Variants in DYM observed in about 807,000 individuals in gnomAD.
DYM encodes the protein dyggve-Melchior-Clausen syndrome protein.
DYM carries 78 observed loss-of-function variants against 93.1 expected under a neutral mutation model. The ratio of observed to expected loss-of-function variants is 0.84; its 90% CI spans 0.70 to 1.01. The LOEUF (loss-of-function observed/expected upper bound fraction) is 1.01, where lower values mean the gene tolerates loss of function less well. Among genes scored for constraint, DYM ranks in the 50% least tolerant of loss-of-function variants. The probability of loss-of-function intolerance (pLI) is 0.00; values close to 1 mark genes in which losing one functional copy is unlikely to be tolerated. For synonymous variants in DYM, 321 were observed against 319.7 expected, an observed-to-expected ratio of 1.00 and a Z score of -0.04; for missense variants, 789 against 845.0, an observed-to-expected ratio of 0.93 and a Z score of 0.82.
At chr18:49,110,491 T>G (rs58235804) in intron 16 of DYM, among the ~76,000 whole-genome samples, 4 of 149,558 alleles carry the variant, frequency 2.7e-5, no homozygotes, top group East Asian at 2.0e-4. Context: ...TAAGATTTTG[T>G]TTTTTTTTCA....
intron 8 of DYM, among the ~76,000 whole-genome samples, chr18:49,293,286 T>A (rs1362456213): frequency 6.6e-6 from 1 of 152,200 alleles, no homozygotes; most frequent in Admixed American, 6.6e-5. Context: ...AGTAAACATA[T>A]GTGTGCATGT....
In DYM at chr18:49,286,472, G is replaced by A. The variant is rs752305016; in HGVS notation, c.908C>T (p.Pro303Leu). 8.7e-6 allele frequency: 14 copies of A among 1,614,098 alleles called. No individual in the cohort carries two copies. Among genetic ancestry groups the A allele is most frequent in the Non-Finnish European group, 1.2e-5 (14 of 1,179,994 alleles). ...GAAGGACATAATGGCTTGTCTGTAG[G>A]GGTTTGGCGCATCTGAGGCATCTGT... ...NLTDASDAPN[P>L]YRQAIMSFKN... Residue 303 changes from proline (P) to leucine (L), a missense_variant, in exon 9 of 18, where the codon CCC becomes CTC. Transcript: ENST00000675505.
At position 49,353,163 on chromosome 18, in the gene DYM, AG is replaced by A. The variant is rs796253383; in HGVS notation, c.494+9997del. 3.0e-4 allele frequency among the ~76,000 whole-genome samples: 46 copies of A among 152,276 alleles called. 1 individual carries two copies. Among genetic ancestry groups the A allele is most frequent in the African/African-American group, 1.1e-3 (45 of 41,582 alleles). On this transcript the variant is annotated intron_variant, in intron 6 of 17. Transcript: ENST00000675505. The stretch of plus-strand genomic sequence containing the variant: ...CATTTCCAAGTCACTTCTCCCATTT[AG>A]ATTATCTATCCCCTAACTTAGCTCC...
chr18:49,129,180 G>A lies in DYM; in HGVS notation c.1729-10254C>T, dbSNP rs983680373. On this transcript the variant is annotated intron_variant, in intron 15 of 17. Transcript: ENST00000675505. ...GTCCATGGAGAGAAGCTCCAGATTG[G>A]GTTCTAGTCCCAGTTTTGCCATGGA... is the stretch of plus-strand genomic sequence containing the variant. Among the ~76,000 whole-genome samples the A allele has an allele frequency of 4.6e-5, 7 of 152,034 alleles. No individual in the cohort carries two copies. In the East Asian group the frequency reaches 1.4e-3, roughly 29 times the overall value.
At chr18:49,424,969 C>A (rs1338390004) in intron 2 of DYM, among the ~76,000 whole-genome samples, 2 of 152,082 alleles carry the variant, frequency 1.3e-5, no homozygotes, top group Non-Finnish European at 1.5e-5. Context: ...CCATACTGCC[C>A]AAGGTAATTT....
chr18:49,286,765 G>A, intron 8 of DYM, 149 bp from the exon 9 acceptor site: 1 of 753,570 alleles, frequency 1.3e-6, no homozygotes, highest in Non-Finnish European at 2.2e-6. Context: ...CACAAGGCCA[G>A]AAAATCCTTG....
At chr18:49,193,768 A>G (rs977611214) in intron 14 of DYM, among the ~76,000 whole-genome samples, 3 of 152,214 alleles carry the variant, frequency 2.0e-5, no homozygotes, top group Non-Finnish European at 4.4e-5. Context: ...TTGTTGTGTG[A>G]TCACTGCCAA....
At chr18:49,358,990 A>C (rs1599658511) in intron 6 of DYM, among the ~76,000 whole-genome samples, 1 of 152,174 alleles carries the variant, frequency 6.6e-6, no homozygotes, top group Non-Finnish European at 1.5e-5. Context: ...CTATGGCCAC[A>C]CCTGACTCCA....
intron 14 of DYM, among the ~76,000 whole-genome samples, chr18:49,187,202 G>A (rs1029540679): frequency 7.2e-5 from 11 of 152,152 alleles, no homozygotes; most frequent in African/African-American, 2.7e-4. Flanking sequence ...ACAGGTGTGA[G>A]CCACTGCGCC....
At chr18:49,230,784 G>T (rs1365996190) in intron 13 of DYM, among the ~76,000 whole-genome samples, 1 of 152,182 alleles carries the variant, frequency 6.6e-6, no homozygotes, top group Non-Finnish European at 1.5e-5. Context: ...TAATAAAACA[G>T]ATTTTCTCCT....
intron 17 of DYM, among the ~76,000 whole-genome samples, chr18:49,064,295 T>C (rs903780444): frequency 7.9e-5 from 12 of 152,262 alleles, no homozygotes; most frequent in African/African-American, 2.9e-4. Flanking sequence ...GGATGCTTCA[T>C]AAACCTATTC....
At chr18:49,166,406 A>C (rs2087877256) in intron 14 of DYM, among the ~76,000 whole-genome samples, 1 of 152,158 alleles carries the variant, frequency 6.6e-6, no homozygotes, top group Non-Finnish European at 1.5e-5. Context: ...CACTCACTGC[A>C]ATTGTTTCCA....
chr18:49,400,351 G>C (rs1476950213), intron 2 of DYM, among the ~76,000 whole-genome samples: 1 of 152,236 alleles, frequency 6.6e-6, no homozygotes, highest in East Asian at 1.9e-4. Flanking sequence ...GCCAGCACCT[G>C]CCATTCTGTG....
At chr18:49,439,218 T>A (rs1030246243) in intron 1 of DYM, among the ~76,000 whole-genome samples, 3 of 152,204 alleles carry the variant, frequency 2.0e-5, no homozygotes, top group Admixed American at 6.5e-5. Flanking sequence ...ATCAGTAAGT[T>A]TGTTGGTAAC....
At chr18:49,155,431 TTGAA>T (rs2086293885) in intron 15 of DYM, among the ~76,000 whole-genome samples, 1 of 152,210 alleles carries the variant, frequency 6.6e-6, no homozygotes, top group Non-Finnish European at 1.5e-5. Context: ...TAAAGTATGA[TTGAA>T]TGGTTTTTGG....
intron 15 of DYM, among the ~76,000 whole-genome samples, chr18:49,152,517 CTT>C (rs1433204584): frequency 1.2e-4 from 19 of 152,086 alleles, no homozygotes; most frequent in African/African-American, 3.9e-4. Flanking sequence ...TCGCTACAGA[CTT>C]TGCTTGAATT....
At chr18:49,082,911 G>A (rs150784721) in intron 17 of DYM, among the ~76,000 whole-genome samples, 195 of 152,318 alleles carry the variant, frequency 1.3e-3, no homozygotes, top group African/African-American at 4.3e-3. Flanking sequence ...TATGTGTGAC[G>A]TTAGCCGTAG....
intron 2 of DYM, among the ~76,000 whole-genome samples, chr18:49,394,139 A>G (rs1012703286): frequency 1.3e-5 from 2 of 152,220 alleles, no homozygotes; most frequent in African/African-American, 2.4e-5. Flanking sequence ...ATTATTTTAC[A>G]TTGTGTATAT....
chr18:49,302,910 G>A (rs1490043660), intron 8 of DYM, among the ~76,000 whole-genome samples: 3 of 152,126 alleles, frequency 2.0e-5, no homozygotes, highest in Non-Finnish European at 4.4e-5. Context: ...AATAATACAA[G>A]TTTAGAATCT....
Sources: allele counts gnomAD v4.1 joint callset (sites outside exome capture counted in the v4.1 genomes callset), GRCh38; gene constraint gnomAD v4.1.1; transcripts MANE v1.5; gene names NCBI Gene and HGNC (gene_info 2026-07-23, HGNC 2026-07-21).